Variants in KCND2 observed in about 807,000 individuals in gnomAD.
KCND2 encodes the protein A-type voltage-gated potassium channel KCND2.
In KCND2, 16 loss-of-function variants were observed where a neutral mutation model predicts 54.4. That is an observed-to-expected ratio of 0.29 (90% CI 0.20 to 0.45). The LOEUF (loss-of-function observed/expected upper bound fraction) is 0.45. KCND2 is among the 20% of genes least tolerant of loss of function. The pLI, the probability that KCND2 is intolerant of heterozygous loss-of-function variation, is 1.00. For synonymous variants in KCND2, 317 were observed against 310.7 expected, an observed-to-expected ratio of 1.02 and a Z score of -0.21; for missense variants, 486 against 824.2, an observed-to-expected ratio of 0.59 and a Z score of 5.02.
In KCND2 at chr7:120,702,877, C is replaced by T. The variant is rs189597523; in HGVS notation, c.1116-30026C>T. On this transcript the variant is annotated intron_variant, in intron 1 of 5. Coordinates refer to ENST00000331113, the MANE Select transcript of KCND2 (RefSeq NM_012281.3). The stretch of plus-strand genomic sequence containing the variant: ...GACAAAATAATCTGTACAATAACCC[C>T]CCCGTCACAGGTTTACCTATATAAC... Among the ~76,000 whole-genome samples, 16 of 152,106 alleles carry T rather than the reference C, an allele frequency of 1.1e-4. 1 individual carries two copies. In the East Asian group the frequency reaches 3.1e-3, roughly 29 times the overall value.
chr7:120,454,090 A>C (rs1227001720), intron 1 of KCND2, among the ~76,000 whole-genome samples: 1 of 152,216 alleles, frequency 6.6e-6, no homozygotes, highest in East Asian at 1.9e-4. Context: ...TCTCAAAAGA[A>C]AGAAATAAAT....
chr7:120,351,195 A>G (rs1800395076), intron 1 of KCND2, among the ~76,000 whole-genome samples: 1 of 147,922 alleles, frequency 6.8e-6, no homozygotes, highest in African/African-American at 2.5e-5. Context: ...ATTATATTTT[A>G]TATTTTATAC....
At chr7:120,724,443 G>A (rs1584897063) in intron 1 of KCND2, among the ~76,000 whole-genome samples, 1 of 152,170 alleles carries the variant, frequency 6.6e-6, no homozygotes, top group Non-Finnish European at 1.5e-5. Flanking sequence ...ATTCTGGAAA[G>A]AACAGTATTA....
intron 1 of KCND2, among the ~76,000 whole-genome samples, chr7:120,619,014 T>C (rs1041529395): frequency 2.0e-5 from 3 of 152,222 alleles, no homozygotes; most frequent in Non-Finnish European, 2.9e-5. Context: ...TAAGTAATTC[T>C]AGAAGTTGCA....
At chr7:120,710,833 AC>A (rs1480373506) in intron 1 of KCND2, among the ~76,000 whole-genome samples, 1 of 152,154 alleles carries the variant, frequency 6.6e-6, no homozygotes, top group Non-Finnish European at 1.5e-5. Flanking sequence ...ATGCATTCAT[AC>A]CCAATTCATT....
At position 120,323,771 on chromosome 7, in the gene KCND2, G is replaced by A. The variant is rs200315233; in HGVS notation, c.1115+48024G>A. On this transcript the variant is annotated intron_variant, in intron 1 of 5. Coordinates refer to ENST00000331113, the MANE Select transcript of KCND2 (RefSeq NM_012281.3). ...CTGCAATAAACATACGTGTGCATGT[G>A]TCTTTATAGCAGCATGATTTATAGT... is the stretch of plus-strand genomic sequence containing the variant. Among the ~76,000 whole-genome samples, 7,086 of 129,022 alleles carry A rather than the reference G, an allele frequency of 0.055. 1,115 individuals are homozygous for A. The East Asian group carries it at 0.62, about 11-fold the overall frequency. The allele number at this position is 129,022 out of a possible 152,430, so 84.6% of individuals were successfully genotyped here. A position where few individuals can be genotyped will look rare whatever the true frequency, so the allele number is the denominator to read the frequency against.
chr7:120,543,962 T>C (rs1413151047), intron 1 of KCND2, among the ~76,000 whole-genome samples: 3 of 151,976 alleles, frequency 2.0e-5, no homozygotes, highest in African/African-American at 7.2e-5. Flanking sequence ...CCTAACCAAC[T>C]AGTCTGGAAA....
intron 1 of KCND2, among the ~76,000 whole-genome samples, chr7:120,582,939 G>C (rs1247865179): frequency 7.4e-6 from 1 of 134,714 alleles, no homozygotes; most frequent in Non-Finnish European, 1.6e-5. Context: ...GGTTTGCATT[G>C]CTCTGTGTGT....
intron 1 of KCND2, among the ~76,000 whole-genome samples, chr7:120,649,315 C>A (rs1341489044): frequency 6.6e-6 from 1 of 150,884 alleles, no homozygotes; most frequent in Non-Finnish European, 1.5e-5. Flanking sequence ...TGTACTATGG[C>A]TAGAGTTAAA....
intron 1 of KCND2, among the ~76,000 whole-genome samples, chr7:120,485,018 CT>C (rs1315170862): frequency 6.6e-6 from 1 of 151,982 alleles, no homozygotes; most frequent in African/African-American, 2.4e-5. Flanking sequence ...TCTTGAGTAG[CT>C]GAGACTACAG....
chr7:120,479,969 A>G (rs535666508), intron 1 of KCND2, among the ~76,000 whole-genome samples: 1 of 150,352 alleles, frequency 6.7e-6, no homozygotes, highest in South Asian at 2.1e-4. Context: ...TGTCAAAAAA[A>G]AAAAAAAAAA....
chr7:120,573,433 A>G (rs1792389875), intron 1 of KCND2, among the ~76,000 whole-genome samples: 1 of 152,174 alleles, frequency 6.6e-6, no homozygotes, highest in Non-Finnish European at 1.5e-5. Context: ...GCCCATCCGA[A>G]GTTTCTATAG....
intron 1 of KCND2, among the ~76,000 whole-genome samples, chr7:120,698,314 C>G (rs1584888084): frequency 6.6e-6 from 1 of 152,314 alleles, no homozygotes; most frequent in East Asian, 1.9e-4. Context: ...TACTTAAGAG[C>G]ATGCATACTG....
intron 1 of KCND2, among the ~76,000 whole-genome samples, chr7:120,596,055 C>A (rs1201967808): frequency 1.3e-5 from 2 of 152,054 alleles, no homozygotes; most frequent in East Asian, 3.9e-4. Flanking sequence ...ATGTTTTCAG[C>A]CTCTTTATTA....
intron 2 of KCND2, among the ~76,000 whole-genome samples, chr7:120,737,743 A>G (rs1212166837): frequency 2.0e-5 from 3 of 152,070 alleles, no homozygotes; most frequent in African/African-American, 7.2e-5. Flanking sequence ...CTTAAATGAA[A>G]GAAACAACTG....
intron 2 of KCND2, among the ~76,000 whole-genome samples, chr7:120,738,574 C>T (rs897509254): frequency 6.6e-6 from 1 of 152,070 alleles, no homozygotes; most frequent in African/African-American, 2.4e-5. Flanking sequence ...TTTAAGAAGT[C>T]TCCTACTTTT....
At chr7:120,591,735 C>A (rs1792674257) in intron 1 of KCND2, among the ~76,000 whole-genome samples, 1 of 152,136 alleles carries the variant, frequency 6.6e-6, no homozygotes, top group African/African-American at 2.4e-5. Context: ...CTCTGAGCCT[C>A]CCCATTCCTC....
intron 1 of KCND2, among the ~76,000 whole-genome samples, chr7:120,589,036 T>C (rs1353120073): frequency 2.6e-5 from 4 of 152,144 alleles, no homozygotes; most frequent in African/African-American, 7.2e-5. Context: ...ACCGGAAAGA[T>C]TTTTCTGAGG....
Position 120,367,986 on chromosome 7 carries a change from G to T in KCND2, c.1115+92239G>T, listed in dbSNP as rs767023912. On this transcript the variant is annotated intron_variant, in intron 1 of 5. Coordinates refer to ENST00000331113, the MANE Select transcript of KCND2 (RefSeq NM_012281.3). ...AAGGCCTGGGATAGTTGTTTTATTT[G>T]ATACTAATTCAGCCCGGCAAGCCGT... is the stretch of plus-strand genomic sequence containing the variant. 1.3e-3 allele frequency among the ~76,000 whole-genome samples: 199 copies of T among 152,124 alleles called. 1 individual carries two copies. The highest frequency in any genetic ancestry group is 1.5e-3 in the Non-Finnish European group (101 of 67,976).
Sources: gnomAD v4.1 joint callset for allele counts (sites outside exome capture counted in the v4.1 genomes callset) on GRCh38, gnomAD v4.1.1 for gene constraint, MANE v1.5 for transcripts, NCBI Gene and HGNC (gene_info 2026-07-23, HGNC 2026-07-21) for gene names.